FAT1: variants seen among roughly 807,000 people sequenced by gnomAD.
FAT1 encodes FAT atypical cadherin 1, also known as protocadherin Fat 1.
A neutral mutation model predicts 329.8 loss-of-function variants in FAT1; 171 were observed. The observed-to-expected ratio is 0.52, with a 90% CI of 0.46 to 0.59. FAT1 has a LOEUF of 0.59. FAT1 is among the 20% of genes least tolerant of loss of function. The pLI is 0.00. For synonymous variants in FAT1, 2,233 were observed against 2,228.6 expected (o/e 1.00, Z -0.06); for missense variants, 5,672 against 5,774.4 (o/e 0.98, Z 0.57).
chr4:186,720,115 T>C (rs548505348), intron 1 of FAT1, among the ~76,000 whole-genome samples: 5 of 152,348 alleles, frequency 3.3e-5, no homozygotes, highest in Admixed American at 1.3e-4. Flanking sequence ...GTAACCAAGC[T>C]GTCTTGAGCC....
chr4:186,724,508 C>T (rs1407235644), upstream of FAT1, among the ~76,000 whole-genome samples: 1 of 152,222 alleles, frequency 6.6e-6, no homozygotes, highest in African/African-American at 2.4e-5. This position sits in a 1 kb window ranked among gnomAD's most constrained non-coding sequence, Gnocchi z 5.3. Flanking sequence ...GCCTGTGGGA[C>T]AAAAGGCAGT....
In FAT1 at chr4:186,708,134, T is replaced by C. The variant is rs2126694109; in HGVS notation, c.1694A>G (p.Asn565Ser). The change falls in exon 2 of 27, where the codon AAC becomes AGC. Residue 565 changes from asparagine (N) to serine (S), a missense_variant. Physicochemically the swap from Asn to Ser is conservative, Grantham distance 46. Transcript: ENST00000441802. ...ATITLNNLND[N>S]TPLFEKINCE... ...ATTTATTTTCTCAAACAAAGGTGTG[T>C]TGTCATTCAAGTTATTGAGAGTAAT... 1 of 1,613,960 alleles carries C rather than the reference T, an allele frequency of 6.2e-7. No individual in the cohort carries two copies. The highest frequency in any genetic ancestry group is 8.5e-7 in the Non-Finnish European group (1 of 1,179,892).
intron 3 of FAT1, among the ~76,000 whole-genome samples, chr4:186,649,059 T>C (rs1741507675): frequency 6.6e-6 from 1 of 152,200 alleles, no homozygotes; most frequent in Admixed American, 6.5e-5. Flanking sequence ...ATACACAGTA[T>C]TTCTCAAGTA....
In FAT1 at chr4:186,602,310, T is replaced by A. The variant is rs569046351; in HGVS notation, c.11482+593A>T. Among the ~76,000 whole-genome samples the A allele has an allele frequency of 3.3e-5, 5 of 152,346 alleles. No homozygotes were observed. The East Asian group carries it at 9.6e-4, about 29-fold the overall frequency. On this transcript the variant is annotated intron_variant, in intron 20 of 26. Transcript: ENST00000441802. ...TAGTGATACAAAAAAATTTAAAATG[T>A]CATTGATGTTTGAGATAGCAAATTC...
chr4:186,599,714 C>A (rs1055048524), intron 22 of FAT1, among the ~76,000 whole-genome samples, 184 bp downstream of exon 22: 1 of 152,126 alleles, frequency 6.6e-6, no homozygotes, highest in Admixed American at 6.5e-5. Flanking sequence ...AGCCTGGGCA[C>A]CAGAAGGGCA....
intron 9 of FAT1, among the ~76,000 whole-genome samples, chr4:186,625,575 T>C (rs1401032783): frequency 6.6e-6 from 1 of 152,244 alleles, no homozygotes; most frequent in African/African-American, 2.4e-5. Context: ...AATTTCTAAA[T>C]ATGTAGAGCT....
At chr4:186,604,029 T>G (rs1456095777) in intron 18 of FAT1, 52 bp from the exon 19 acceptor site, 2 of 1,374,382 alleles carry the variant, frequency 1.5e-6, no homozygotes, top group East Asian at 4.6e-5. Flanking sequence ...TGTTTATAAC[T>G]TCTTCAATAA....
chr4:186,645,366 CAT>C (rs70964973), intron 3 of FAT1, among the ~76,000 whole-genome samples: 71 of 35,320 alleles, frequency 2.0e-3, no homozygotes, highest in East Asian at 3.4e-3. Flanking sequence ...TACTTCATTA[CAT>C]ATATATATAT....
At chr4:186,642,028 A>G (rs1292732538) in intron 3 of FAT1, among the ~76,000 whole-genome samples, 1 of 151,882 alleles carries the variant, frequency 6.6e-6, no homozygotes, top group South Asian at 2.1e-4. Context: ...CAAAATCCAC[A>G]TAAAGCCAAA....
chr4:186,615,110 T>C (rs1560935710), intron 11 of FAT1, among the ~76,000 whole-genome samples: 1 of 152,094 alleles, frequency 6.6e-6, no homozygotes, highest in Non-Finnish European at 1.5e-5. Context: ...TATTTCATAA[T>C]AGGATGAATT....
At chr4:186,611,332 A>G (rs918288790) in intron 14 of FAT1, 54 bp downstream of exon 14, 2 of 1,519,366 alleles carry the variant, frequency 1.3e-6, no homozygotes, top group African/African-American at 1.4e-5. Flanking sequence ...GGTTAAGCAA[A>G]TCTAGTTTTC....
chr4:186,637,901 T>TC (rs749118484), intron 4 of FAT1, among the ~76,000 whole-genome samples: 1 of 152,232 alleles, frequency 6.6e-6, no homozygotes, highest in African/African-American at 2.4e-5. Context: ...TTATTTACCT[T>TC]CCTAAGCTTT....
intron 26 of FAT1, among the ~76,000 whole-genome samples, chr4:186,590,069 T>C (rs544531739): frequency 6.6e-6 from 1 of 152,152 alleles, no homozygotes; most frequent in South Asian, 2.1e-4. Flanking sequence ...AATCAATCTG[T>C]GTTACTTCCA....
At position 186,597,041 on chromosome 4, in the gene FAT1, G is replaced by C; in HGVS notation, c.12499C>G (p.Pro4167Ala). ...CACGGCGTGGACACATACTGGTTGG[G>C]CGCAGCATCCTCGCAGTGACGTCCC... The part of the protein sequence containing the change: ...YRGRHCEDAA[P>A]NQYVSTPWNI... Residue 4167 changes from proline to alanine, a missense_variant, in exon 25 of 27, where the codon CCC becomes GCC. By Grantham distance (27) the Pro-to-Ala change is conservative. Around this residue, in one of 2 missense-constraint regions of FAT1, gnomAD observed 1,706 missense variants for 1,859.1 expected, o/e 0.92. Transcript: ENST00000441802. 1 of 1,613,970 alleles carries C rather than the reference G, an allele frequency of 6.2e-7. No homozygotes were observed. Among genetic ancestry groups the C allele is most frequent in the Non-Finnish European group, 8.5e-7 (1 of 1,179,894 alleles).
Position 186,707,701 on chromosome 4 carries a change from G to A in FAT1, c.2127C>T (p.Val709=), listed in dbSNP as rs2126690715. 6.2e-6 allele frequency: 10 copies of A among 1,613,910 alleles called. No homozygotes were observed. Among genetic ancestry groups the A allele is most frequent in the Non-Finnish European group, 8.5e-6 (10 of 1,179,874 alleles). The change falls in exon 2 of 27, where the codon GTC becomes GTT. Residue 709 remains valine (V), a synonymous_variant. Transcript: ENST00000441802. ...VEDIFFDSHS[V]NAHIPQFRST... ...TTCTAAACTGCGGTATGTGAGCATT[G>A]ACAGAGTGAGAATCGAAGAAAATAT...
intron 2 of FAT1, among the ~76,000 whole-genome samples, chr4:186,668,038 T>C (rs905379585): frequency 6.6e-6 from 1 of 152,158 alleles, no homozygotes; most frequent in Non-Finnish European, 1.5e-5. Context: ...GTCTTCCTCA[T>C]GCATGCAGGA....
At chr4:186,628,402 T>G in intron 8 of FAT1, 38 bp from the exon 9 acceptor site, 1 of 1,610,176 alleles carries the variant, frequency 6.2e-7, no homozygotes, top group Non-Finnish European at 8.5e-7. Flanking sequence ...CCATTGGTGC[T>G]TTCCTTATAA....
In FAT1 at chr4:186,706,904, T is replaced by A. The variant is rs747617288; in HGVS notation, c.2924A>T (p.Asp975Val). Reference protein sequence around the residue: ...SLLDHGEGNFDVDKLSGAVRI... With the variant: ...SLLDHGEGNFVVDKLSGAVRI... ...AACTGCTCCACTGAGTTTATCCACA[T>A]CGAAGTTTCCTTCTCCGTGGTCCAG... is the stretch of plus-strand genomic sequence containing the variant. Residue 975 changes from aspartate to valine, a missense_variant, in exon 2 of 27, where the codon GAT becomes GTT. By Grantham distance (152) the Asp-to-Val change is radical (BLOSUM62 -3). Coordinates refer to ENST00000441802, the MANE Select transcript of FAT1 (RefSeq NM_005245.4). The A allele has an allele frequency of 4.3e-6, 7 of 1,613,914 alleles. No homozygotes were observed. The Admixed American group carries it at 1.2e-4, about 27-fold the overall frequency.
chr4:186,623,991 G>A (rs1204118941), intron 9 of FAT1, among the ~76,000 whole-genome samples: 1 of 152,168 alleles, frequency 6.6e-6, no homozygotes, highest in Non-Finnish European at 1.5e-5. Flanking sequence ...ATAGATTAAG[G>A]CAGAAATCAT....
Sources: gnomAD v4.1 joint callset for allele counts (sites outside exome capture counted in the v4.1 genomes callset) on GRCh38, gnomAD v4.1.1 for gene constraint, gnomAD v4.1.1 regional missense constraint, Gnocchi (gnomAD v3.1) non-coding constraint, MANE v1.5 for transcripts, NCBI Gene and HGNC (gene_info 2026-07-23, HGNC 2026-07-21) for gene names.